The following BLM variants were observed in gnomAD, a reference collection of about 807,000 sequenced individuals.
BLM encodes recQ-like DNA helicase BLM.
In BLM, 95 loss-of-function variants were observed where a neutral mutation model predicts 135.3. That is an observed-to-expected ratio of 0.70 (90% CI 0.59 to 0.83). The LOEUF is 0.83. Ranked by LOEUF, BLM falls within the 40% of genes least tolerant of loss-of-function variation. The pLI, the probability that BLM is intolerant of heterozygous loss-of-function variation, is 0.00. For missense variants in BLM, 1,518 were observed against 1,663.9 expected (o/e 0.91, Z 1.53); for synonymous variants, 520 against 589.2 (o/e 0.88, Z 1.70).
intron 8 of BLM, among the ~76,000 whole-genome samples, chr15:90,763,758 A>G (rs1433241536): frequency 6.6e-6 from 1 of 152,204 alleles, no homozygotes; most frequent in Non-Finnish European, 1.5e-5. Flanking sequence ...CACTTTAAAG[A>G]GTCTAGGACA....
At chr15:90,797,912 T>G (rs1897068696) in intron 16 of BLM, among the ~76,000 whole-genome samples, 1 of 152,168 alleles carries the variant, frequency 6.6e-6, no homozygotes, top group Non-Finnish European at 1.5e-5. Flanking sequence ...AAATTGTGTG[T>G]TTGTGTGTGT....
At chr15:90,787,009 G>A (rs1896765921) in intron 14 of BLM, among the ~76,000 whole-genome samples, 1 of 150,298 alleles carries the variant, frequency 6.7e-6, no homozygotes, top group Non-Finnish European at 1.5e-5. Flanking sequence ...TGGGTGGGGA[G>A]GAAAGCTGAA....
chr15:90,783,584 AATAT>A (rs1395737356), intron 13 of BLM, among the ~76,000 whole-genome samples: 1 of 152,144 alleles, frequency 6.6e-6, no homozygotes, highest in East Asian at 1.9e-4. Context: ...CATAATAATA[AATAT>A]AATATATGCT....
chr15:90,760,540 C>A, intron 6 of BLM, 54 bp from the exon 7 acceptor site: 1 of 1,517,314 alleles, frequency 6.6e-7, no homozygotes, highest in African/African-American at 1.4e-5. Flanking sequence ...GCTTTTGTGG[C>A]CTACCAGAGT....
chr15:90,753,752 C>T (rs2151151194), intron 4 of BLM, among the ~76,000 whole-genome samples: 1 of 152,304 alleles, frequency 6.6e-6, no homozygotes, highest in Non-Finnish European at 1.5e-5. Flanking sequence ...AGAAGAGAGA[C>T]CTGTTTTTCA....
At chr15:90,813,705 T>A (rs916266621) in intron 21 of BLM, among the ~76,000 whole-genome samples, 1 of 152,208 alleles carries the variant, frequency 6.6e-6, no homozygotes, top group Non-Finnish European at 1.5e-5. Flanking sequence ...GATTCTTTTT[T>A]AAGCCCTACC....
intron 2 of BLM, 69 bp from the exon 3 acceptor site, chr15:90,749,298 T>C: frequency 8.7e-7 from 1 of 1,153,882 alleles, no homozygotes; most frequent in Non-Finnish European, 1.2e-6. Context: ...GTTTAAAAAA[T>C]TAGTTTTGTA....
intron 4 of BLM, among the ~76,000 whole-genome samples, chr15:90,752,392 G>A (rs1210290553): frequency 6.6e-6 from 1 of 152,106 alleles, no homozygotes; most frequent in Non-Finnish European, 1.5e-5. Flanking sequence ...GCCCAGGCTA[G>A]TCTTGAACCC....
At chr15:90,780,913 A>C (rs1896602327) in intron 12 of BLM, among the ~76,000 whole-genome samples, 1 of 152,252 alleles carries the variant, frequency 6.6e-6, no homozygotes, top group South Asian at 2.1e-4. Flanking sequence ...CATATACTAC[A>C]CCATTTTATA....
At chr15:90,806,337 C>T (rs184572344) in intron 19 of BLM, among the ~76,000 whole-genome samples, 36 of 152,072 alleles carry the variant, frequency 2.4e-4, no homozygotes, top group Admixed American at 8.5e-4. Context: ...ATGGTAAAAC[C>T]CCGTCTCTAC....
chr15:90,799,730 C>CT (rs1227137966), intron 17 of BLM, among the ~76,000 whole-genome samples: 2 of 151,386 alleles, frequency 1.3e-5, no homozygotes, highest in Admixed American at 6.6e-5. Flanking sequence ...CCTCAACCCT[C>CT]TTAGGTTCAG....
intron 1 of BLM, among the ~76,000 whole-genome samples, chr15:90,727,230 T>C (rs1161166082): frequency 6.6e-6 from 1 of 152,106 alleles, no homozygotes; most frequent in African/African-American, 2.4e-5. Context: ...CCCAAGCTGG[T>C]CCTGAACTCC....
At chr15:90,736,903 T>C (rs1895233233) in intron 1 of BLM, among the ~76,000 whole-genome samples, 1 of 152,188 alleles carries the variant, frequency 6.6e-6, no homozygotes, top group Non-Finnish European at 1.5e-5. Context: ...AGGAAGTAGA[T>C]GGCAAAGGAT....
intron 5 of BLM, chr15:90,755,188 A>G: frequency 1.9e-6 from 1 of 513,826 alleles, no homozygotes. Context: ...ATCATCTCTC[A>G]TACTGAGCCA....
Position 90,724,064 on chromosome 15 carries a change from G to A in BLM, c.-5+6624G>A, listed in dbSNP as rs546158776. Among the ~76,000 whole-genome samples the A allele has an allele frequency of 2.0e-5, 3 of 152,042 alleles. No homozygotes were observed. The South Asian group carries it at 6.2e-4, about 32-fold the overall frequency. On this transcript the variant is annotated intron_variant, in intron 1 of 21. Transcript: ENST00000355112. ...GTCTTGCTCAGCTATCCAGGCTGGA[G>A]TGCAGTAGAATGATCGTTGCTCACT...
At chr15:90,786,868 C>A (rs1408315842) in intron 14 of BLM, among the ~76,000 whole-genome samples, 1 of 151,866 alleles carries the variant, frequency 6.6e-6, no homozygotes, top group African/African-American at 2.4e-5. Flanking sequence ...CCACCTCAGC[C>A]CCCCAAAGTG....
intron 17 of BLM, among the ~76,000 whole-genome samples, chr15:90,800,410 C>T (rs1281742153): frequency 1.3e-5 from 2 of 152,120 alleles, no homozygotes; most frequent in Non-Finnish European, 2.9e-5. Context: ...AGGCTGGGCA[C>T]GGTGGCTCAC....
At chr15:90,755,441 T>C (rs552266168) in intron 5 of BLM, 2 of 154,834 alleles carry the variant, frequency 1.3e-5, no homozygotes, top group Admixed American at 1.3e-4. Flanking sequence ...TGGGTCTTGA[T>C]GTTCATTTAA....
At chr15:90,748,462 C>A (rs1336610905) in intron 2 of BLM, among the ~76,000 whole-genome samples, 1 of 152,160 alleles carries the variant, frequency 6.6e-6, no homozygotes, top group Non-Finnish European at 1.5e-5. Context: ...AAGGAAACTA[C>A]AGCTCTCCAG....
Sources: allele counts gnomAD v4.1 joint callset (sites outside exome capture counted in the v4.1 genomes callset), GRCh38; gene constraint gnomAD v4.1.1; transcripts MANE v1.5; gene names NCBI Gene and HGNC (gene_info 2026-07-23, HGNC 2026-07-21).